The following PGBD5 variants were observed in gnomAD, a reference collection of about 807,000 sequenced individuals.
PGBD5 encodes piggyBac transposable element derived 5, also known as piggyBac transposable element-derived protein 5.
In PGBD5, 14 loss-of-function variants were observed where a neutral mutation model predicts 47.9. That is an observed-to-expected ratio of 0.29 (90% confidence interval 0.19 to 0.46). The LOEUF (loss-of-function observed/expected upper bound fraction) is 0.46. PGBD5 is among the 20% of genes least tolerant of loss of function. PGBD5 has a pLI of 1.00. For synonymous variants in PGBD5, 316 were observed against 306.3 expected, an observed-to-expected ratio of 1.03 and a Z score of -0.33; for missense variants, 635 against 716.0, an observed-to-expected ratio of 0.89 and a Z score of 1.29.
At chr1:230,370,939 G>C (rs201678061) in intron 1 of PGBD5, among the ~76,000 whole-genome samples, 1 of 152,202 alleles carries the variant, frequency 6.6e-6, no homozygotes, top group African/African-American at 2.4e-5. Context: ...CTCAAAACAT[G>C]GTTGGCTGAA....
chr1:230,376,701 T>C (rs949923790), intron 1 of PGBD5, among the ~76,000 whole-genome samples: 1 of 152,182 alleles, frequency 6.6e-6, no homozygotes, highest in Non-Finnish European at 1.5e-5. Flanking sequence ...AGAGCCTGAA[T>C]GCTGTGCCCG....
At chr1:230,402,627 A>T (rs1657169405) in intron 1 of PGBD5, among the ~76,000 whole-genome samples, 1 of 151,956 alleles carries the variant, frequency 6.6e-6, no homozygotes, top group African/African-American at 2.4e-5. Flanking sequence ...CTAATTTTTA[A>T]AATTTTTTGT....
chr1:230,425,185 T>C lies in PGBD5; in HGVS notation c.331+413A>G, dbSNP rs1315147199. On this transcript the variant is annotated intron_variant, in intron 1 of 6. Coordinates refer to ENST00000391860, the MANE Select transcript of PGBD5 (RefSeq NM_001258311.2). This position sits in a 1 kb window ranked among gnomAD's most constrained non-coding sequence, Gnocchi z 4.7. ...CCTGCTGTAAGGCTTGCTCTTGGGCTGTCAGTGAAAAAACGACTCCCCCTG... is the reference window on the plus strand; with the variant it reads ...CCTGCTGTAAGGCTTGCTCTTGGGCCGTCAGTGAAAAAACGACTCCCCCTG... Among the ~76,000 whole-genome samples the C allele has an allele frequency of 6.6e-6, 1 of 151,916 alleles. No homozygotes were observed. Among genetic ancestry groups the C allele is most frequent in the East Asian group, 1.9e-4 (1 of 5,166 alleles).
rs545027127 is a variant in PGBD5, at chr1:230,315,789, T to C, written c.*7636A>G. On this transcript the variant is annotated 3_prime_UTR_variant, in exon 7 of 7. Transcript: ENST00000391860. Reference sequence around the variant, plus strand: ...TATTATAGATGTATGCATATATGTATATATGTATACATATATGTATATGTG... The same window carrying C: ...TATTATAGATGTATGCATATATGTACATATGTATACATATATGTATATGTG... 6.8e-6 allele frequency: 1 copy of C among 146,782 alleles called. No homozygotes were observed. Among genetic ancestry groups the C allele is most frequent in the South Asian group, 2.2e-4 (1 of 4,500 alleles). The allele number at this position is 146,782 out of a possible 1,614,324, so 9.1% of individuals were successfully genotyped here. A position where few individuals can be genotyped will look rare whatever the true frequency, so the allele number is the denominator to read the frequency against.
intron 1 of PGBD5, among the ~76,000 whole-genome samples, chr1:230,358,596 C>A (rs550443740): frequency 6.6e-6 from 1 of 152,156 alleles, no homozygotes; most frequent in South Asian, 2.1e-4. Flanking sequence ...TCCCCGCCCC[C>A]CCACAAGATG....
Position 230,323,665 on chromosome 1 carries a change from C to A in PGBD5, c.1380-45G>T, listed in dbSNP as rs1667072334. On this transcript the variant is annotated intron_variant, in intron 6 of 6. Coordinates refer to ENST00000391860, the MANE Select transcript of PGBD5 (RefSeq NM_001258311.2). This position sits in a 1 kb window ranked among gnomAD's most constrained non-coding sequence, Gnocchi z 4.1. ...GAACGGCTGACCCGATGGTTCATGGCACCCGGAGATGCATCCCAAAGGCCC... is the reference window on the plus strand; with the variant it reads ...GAACGGCTGACCCGATGGTTCATGGAACCCGGAGATGCATCCCAAAGGCCC... The A allele has an allele frequency of 6.4e-7, 1 of 1,556,164 alleles. No individual in the cohort carries two copies. The highest frequency in any genetic ancestry group is 1.2e-5 in the South Asian group (1 of 83,376).
intron 5 of PGBD5, among the ~76,000 whole-genome samples, chr1:230,329,122 T>G (rs2353549): frequency 0.47 from 70,172 of 150,538 alleles, 17,592 homozygotes; most frequent in Non-Finnish European, 0.55. Flanking sequence ...AATTTTTTTT[T>G]GGGGGGGGAG....
intron 1 of PGBD5, among the ~76,000 whole-genome samples, chr1:230,383,289 G>A (rs1656557055): frequency 6.6e-6 from 1 of 151,738 alleles, no homozygotes; most frequent in Non-Finnish European, 1.5e-5. Flanking sequence ...GCCAGGGCTG[G>A]TCTCGAACTA....
intron 1 of PGBD5, among the ~76,000 whole-genome samples, chr1:230,418,865 T>C (rs1338722530): frequency 6.6e-6 from 1 of 152,250 alleles, no homozygotes; most frequent in Non-Finnish European, 1.5e-5. Flanking sequence ...CACTGTGCTG[T>C]GCACGAATGT....
intron 1 of PGBD5, among the ~76,000 whole-genome samples, chr1:230,401,995 A>G (rs1571860756): frequency 6.6e-6 from 1 of 152,222 alleles, no homozygotes; most frequent in Non-Finnish European, 1.5e-5. Flanking sequence ...ACTGTAAGAC[A>G]GCAGCAGCCC....
chr1:230,338,850 G>C (rs1480694712), intron 3 of PGBD5, among the ~76,000 whole-genome samples: 1 of 152,032 alleles, frequency 6.6e-6, no homozygotes, highest in Non-Finnish European at 1.5e-5. Flanking sequence ...GCCCGCAATG[G>C]GGCCTCTTCT....
chr1:230,374,249 T>C (rs1667978605), intron 1 of PGBD5, among the ~76,000 whole-genome samples: 1 of 152,050 alleles, frequency 6.6e-6, no homozygotes, highest in Non-Finnish European at 1.5e-5. Flanking sequence ...AAACCCTGTC[T>C]CTACTAAAAA....
At chr1:230,399,829 G>C (rs116685669) in intron 1 of PGBD5, among the ~76,000 whole-genome samples, 2 of 152,158 alleles carry the variant, frequency 1.3e-5, no homozygotes, top group African/African-American at 4.8e-5. Flanking sequence ...GGAAACACGC[G>C]ATCCATCAGG....
At chr1:230,358,597 C>G (rs1488194707) in intron 1 of PGBD5, among the ~76,000 whole-genome samples, 1 of 152,096 alleles carries the variant, frequency 6.6e-6, no homozygotes, top group East Asian at 1.9e-4. Flanking sequence ...CCCCGCCCCC[C>G]CACAAGATGT....
chr1:230,367,738 T>C (rs1393649362), intron 1 of PGBD5, among the ~76,000 whole-genome samples: 1 of 152,204 alleles, frequency 6.6e-6, no homozygotes, highest in Non-Finnish European at 1.5e-5. Flanking sequence ...TCATCTAGGC[T>C]TCAAGAATTA....
At position 230,325,397 on chromosome 1, in the gene PGBD5, T is replaced by G. The variant is rs1036642692; in HGVS notation, c.1292A>C (p.Lys431Thr). The stretch of plus-strand genomic sequence containing the variant: ...CAAGGGGCATGGGATCTCCCCACTC[T>G]TCCTTTTGATGATGACTCCTGAAGG... ...PVQQGVIIKRKSGEIPCPLAV... is the reference protein window; with the variant it reads ...PVQQGVIIKRTSGEIPCPLAV... Residue 431 changes from lysine to threonine, a missense_variant, in exon 6 of 7, where the codon AAG becomes ACG. By Grantham distance (78) the Lys-to-Thr change is moderately conservative. Transcript: ENST00000391860. The G allele has an allele frequency of 2.9e-5, 47 of 1,613,368 alleles. No individual in the cohort carries two copies. Among genetic ancestry groups the G allele is most frequent in the Admixed American group, 1.2e-4 (7 of 59,906 alleles).
In PGBD5 at chr1:230,425,809, G is replaced by C; in HGVS notation, c.120C>G (p.Ser40Arg). ...DDVFGESGPDSGGNPFYSTSA... is the reference protein window; with the variant it reads ...DDVFGESGPDRGGNPFYSTSA... ...AGGTGCTGTAGAAGGGGTTCCCGCC[G>C]CTGTCCGGGCCGGACTCGCCGAACA... Residue 40 changes from serine (S) to arginine (R), a missense_variant, in exon 1 of 7, where the codon AGC becomes AGG. Ser to Arg is a moderately radical substitution (Grantham distance 110). Transcript: ENST00000391860. This position sits in a 1 kb window ranked among gnomAD's most constrained non-coding sequence, Gnocchi z 4.7. 1.7e-6 allele frequency: 2 copies of C among 1,209,578 alleles called. No individual in the cohort carries two copies. The highest frequency in any genetic ancestry group is 2.1e-6 in the Non-Finnish European group (2 of 973,832). The allele number at this position is 1,209,578 out of a possible 1,614,324, so 74.9% of individuals were successfully genotyped here.
At chr1:230,423,011 ATCTT>A (rs772612849) in intron 1 of PGBD5, among the ~76,000 whole-genome samples, 6 of 148,984 alleles carry the variant, frequency 4.0e-5, no homozygotes, top group Admixed American at 7.1e-5. Context: ...CATCAGAGTT[ATCTT>A]TCTGATTAAA....
At chr1:230,336,844 C>A (rs200982451) in intron 4 of PGBD5, among the ~76,000 whole-genome samples, 2 of 117,262 alleles carry the variant, frequency 1.7e-5, no homozygotes, top group Admixed American at 8.9e-5. Context: ...CACACAAATG[C>A]CCCGAAGGCC....
Sources: allele counts gnomAD v4.1 joint callset (sites outside exome capture counted in the v4.1 genomes callset), GRCh38; gene constraint gnomAD v4.1.1; non-coding constraint Gnocchi (gnomAD v3.1); transcripts MANE v1.5; gene names NCBI Gene and HGNC (gene_info 2026-07-23, HGNC 2026-07-21).